FA2H: variants seen among roughly 807,000 people sequenced by gnomAD.
FA2H encodes the protein fatty acid alpha-hydroxylase.
FA2H carries 22 observed loss-of-function variants against 44.9 expected under a neutral mutation model. The observed-to-expected ratio is 0.49, with a 90% CI of 0.35 to 0.70. The LOEUF (loss-of-function observed/expected upper bound fraction) is 0.70, where lower values mean the gene tolerates loss of function less well. Among genes scored for constraint, FA2H ranks in the 30% least tolerant of loss-of-function variants. The pLI is 0.01. For synonymous variants in FA2H, 243 were observed against 213.2 expected (o/e 1.14, Z -1.22); for missense variants, 501 against 504.9 (o/e 0.99, Z 0.07).
chr16:74,741,838 A>ATG (rs1420870397), intron 1 of FA2H, among the ~76,000 whole-genome samples: 1 of 39,982 alleles, frequency 2.5e-5, no homozygotes. Flanking sequence ...GTGTGTGTGT[A>ATG]TGTGTGTGTA....
intron 1 of FA2H, among the ~76,000 whole-genome samples, chr16:74,765,720 T>C (rs909169154): frequency 5.9e-5 from 9 of 151,896 alleles, no homozygotes; most frequent in Non-Finnish European, 1.3e-4. Flanking sequence ...CCTGGCTATG[T>C]TGGAAAATTT....
intron 2 of FA2H, among the ~76,000 whole-genome samples, chr16:74,738,159 G>A (rs887802689): frequency 6.6e-6 from 1 of 152,168 alleles, no homozygotes; most frequent in African/African-American, 2.4e-5. Context: ...CCCAGCCCTC[G>A]CCCTTCCGTC....
At chr16:74,740,873 C>T (rs1414851129) in intron 1 of FA2H, among the ~76,000 whole-genome samples, 4 of 152,024 alleles carry the variant, frequency 2.6e-5, no homozygotes, top group South Asian at 4.1e-4. Flanking sequence ...CAGGGCCACA[C>T]TGATGAGTCA....
chr16:74,744,856 G>A (rs181969839), intron 1 of FA2H, among the ~76,000 whole-genome samples: 335 of 152,300 alleles, frequency 2.2e-3, no homozygotes, highest in Middle Eastern at 6.8e-3. Context: ...AGAGTTCTGG[G>A]ATTACAGGTG....
chr16:74,734,421 C>A (rs1435394526), intron 2 of FA2H, among the ~76,000 whole-genome samples: 3 of 152,222 alleles, frequency 2.0e-5, no homozygotes, highest in African/African-American at 7.2e-5. Context: ...ATTCAAAGAC[C>A]CGACCAACGG....
rs533494018 is a variant in FA2H at position 74,768,301 on chromosome 16, G to A, written c.270+6185C>T. On this transcript the variant is annotated intron_variant, in intron 1 of 6. Transcript: ENST00000219368. ...AAAGCCTCTTTATTCACTGAATTGT[G>A]GGGTGACACCAGAGAGCACTCCTGG... 1.4e-3 allele frequency among the ~76,000 whole-genome samples: 215 copies of A among 152,210 alleles called. 6 individuals carry two copies. The highest frequency in any genetic ancestry group is 1.4e-3 in the Non-Finnish European group (97 of 68,014).
At chr16:74,725,903 G>C (rs1961942913) in intron 4 of FA2H, 1 of 377,310 alleles carries the variant, frequency 2.7e-6, no homozygotes, top group Non-Finnish European at 5.1e-6. Context: ...TCTTAGCAAA[G>C]AATCCCACAT....
intron 1 of FA2H, among the ~76,000 whole-genome samples, chr16:74,766,192 G>A (rs1232278793): frequency 6.6e-6 from 1 of 152,046 alleles, no homozygotes; most frequent in Non-Finnish European, 1.5e-5. Context: ...CCAGCTACTC[G>A]GGATGCTGAG....
chr16:74,729,003 G>GA (rs1272739561), intron 2 of FA2H, among the ~76,000 whole-genome samples: 125 of 62,120 alleles, frequency 2.0e-3, no homozygotes, highest in Non-Finnish European at 3.3e-3. Flanking sequence ...GGATGGTCTT[G>GA]ATTTTTTTTT....
In FA2H at chr16:74,716,654, C is replaced by G. The variant is rs779833110; in HGVS notation, c.787-55G>C. 5.8e-5 allele frequency: 88 copies of G among 1,509,020 alleles called. No individual in the cohort carries two copies. The African/African-American group carries it at 1.1e-3, about 19-fold the overall frequency. 93.5% of individuals were successfully genotyped at this position (1,509,020 alleles called of 1,614,324 possible). Reference sequence around the variant, plus strand: ...GGCAGCCAGGGGCCCCGGCAGCTGGCCAAACCCTGGCCACTCCCTGCAGAG... The same window carrying G: ...GGCAGCCAGGGGCCCCGGCAGCTGGGCAAACCCTGGCCACTCCCTGCAGAG... On this transcript the variant is annotated intron_variant, in intron 5 of 6. Transcript: ENST00000219368.
intron 1 of FA2H, among the ~76,000 whole-genome samples, chr16:74,763,382 C>T (rs185721803): frequency 9.9e-5 from 15 of 152,028 alleles, no homozygotes; most frequent in South Asian, 2.1e-4. Context: ...CTCAGCCTTC[C>T]GAGTAACTGG....
chr16:74,721,205 T>C (rs1961829446), intron 4 of FA2H, among the ~76,000 whole-genome samples: 1 of 152,152 alleles, frequency 6.6e-6, no homozygotes, highest in Non-Finnish European at 1.5e-5. Context: ...TTCGCTCTTG[T>C]CACCCAGGCT....
intron 4 of FA2H, among the ~76,000 whole-genome samples, chr16:74,722,352 AC>A (rs1182880910): frequency 2.6e-5 from 4 of 151,932 alleles, no homozygotes; most frequent in Admixed American, 2.6e-4. Context: ...CCTGGGCAAC[AC>A]AGTGAGACCC....
At chr16:74,748,298 C>T (rs961731075) in intron 1 of FA2H, among the ~76,000 whole-genome samples, 1 of 152,194 alleles carries the variant, frequency 6.6e-6, no homozygotes, top group African/African-American at 2.4e-5. Context: ...TGCACTTCCC[C>T]CACCCCCCAC....
intron 4 of FA2H, among the ~76,000 whole-genome samples, chr16:74,724,462 C>G (rs1961907399): frequency 6.6e-6 from 1 of 152,176 alleles, no homozygotes; most frequent in African/African-American, 2.4e-5. Flanking sequence ...CAGCCTTGAA[C>G]TGGTGTCTGC....
At chr16:74,740,545 G>T (rs1038513171) in intron 1 of FA2H, among the ~76,000 whole-genome samples, 4 of 150,990 alleles carry the variant, frequency 2.6e-5, no homozygotes, top group African/African-American at 9.7e-5. Flanking sequence ...GCTTGAACCC[G>T]GGAGGTAGAG....
At position 74,751,217 on chromosome 16, in the gene FA2H, C is replaced by A. The variant is rs890294209; in HGVS notation, c.271-11102G>T. ...TCAAGCGATCCTCCTGCCTCAGCCT[C>A]CCGAGTAGCTGGGATTATAGGCATG... is the stretch of plus-strand genomic sequence containing the variant. On this transcript the variant is annotated intron_variant, in intron 1 of 6. Coordinates refer to ENST00000219368, the MANE Select transcript of FA2H (RefSeq NM_024306.5). Among the ~76,000 whole-genome samples, 8 of 152,122 alleles carry A rather than the reference C, an allele frequency of 5.3e-5. No homozygotes were observed. In the East Asian group the frequency reaches 1.4e-3, roughly 26 times the overall value.
At chr16:74,748,027 C>T (rs978370840) in intron 1 of FA2H, among the ~76,000 whole-genome samples, 1 of 152,186 alleles carries the variant, frequency 6.6e-6, no homozygotes. Context: ...AGAAACCAGG[C>T]TCTTTCAGTC....
rs536549919 is a variant in FA2H, at chr16:74,736,380, G to T, written c.363+3643C>A. On this transcript the variant is annotated intron_variant, in intron 2 of 6. Coordinates refer to ENST00000219368, the MANE Select transcript of FA2H (RefSeq NM_024306.5). ...AGGCAGGGTGCCTAGAGGAGAGCCA[G>T]GCCAGTGCCCACAGTGCCAAGGCTG... Among the ~76,000 whole-genome samples, 5 of 152,300 alleles carry T rather than the reference G, an allele frequency of 3.3e-5. No homozygotes were observed. The South Asian group carries it at 1.0e-3, about 32-fold the overall frequency.
Sources: allele counts gnomAD v4.1 joint callset (sites outside exome capture counted in the v4.1 genomes callset), GRCh38; gene constraint gnomAD v4.1.1; transcripts MANE v1.5; gene names NCBI Gene and HGNC (gene_info 2026-07-23, HGNC 2026-07-21).